Variants in PRDM2 observed in about 807,000 individuals in gnomAD.
PRDM2 encodes the protein PR/SET domain 2.
A neutral mutation model predicts 130.0 loss-of-function variants in PRDM2; 30 were observed. The observed-to-expected ratio is 0.23, with a 90% CI of 0.17 to 0.31. PRDM2 has a LOEUF of 0.31. Among genes scored for constraint, PRDM2 ranks in the 10% least tolerant of loss-of-function variants. The pLI is 1.00. For synonymous variants in PRDM2, 871 were observed against 782.4 expected, an observed-to-expected ratio of 1.11 and a Z score of -1.89; for missense variants, 2,011 against 2,108.4, an observed-to-expected ratio of 0.95 and a Z score of 0.90.
rs1270409440 is a variant in PRDM2 at position 13,742,017 on chromosome 1, A to G, written c.244A>G (p.Asn82Asp). ...CTCCATTTTCAAGGTGTATTACCCA[A>G]ATTTGGGATGGATGTGCATTGATGC... ...NVYMWEVYYP[N>D]LGWMCIDATD... The change falls in exon 5 of 10, where the codon AAT becomes GAT. Residue 82 changes from asparagine (N) to aspartate (D), a missense_variant. Asn to Asp is a conservative substitution (Grantham distance 23, BLOSUM62 1). Transcript: ENST00000311066. 1.9e-6 allele frequency: 3 copies of G among 1,570,970 alleles called. No homozygotes were observed. The highest frequency in any genetic ancestry group is 2.6e-6 in the Non-Finnish European group (3 of 1,141,498).
chr1:13,821,621 A>ATGTATTTT (rs367745659), intron 9 of PRDM2, among the ~76,000 whole-genome samples: 1 of 151,614 alleles, frequency 6.6e-6, no homozygotes, highest in African/African-American at 2.4e-5. Context: ...ACCATCACTA[A>ATGTATTTT]TGTATTTTTG....
intron 8 of PRDM2, among the ~76,000 whole-genome samples, chr1:13,813,496 G>A (rs1460075862): frequency 2.0e-5 from 3 of 152,176 alleles, no homozygotes; most frequent in Non-Finnish European, 4.4e-5. Context: ...GTGGCCTAAG[G>A]AGCTGAAAGC....
At chr1:13,815,179 T>C (rs1231020898) in intron 8 of PRDM2, among the ~76,000 whole-genome samples, 1 of 152,182 alleles carries the variant, frequency 6.6e-6, no homozygotes, top group Non-Finnish European at 1.5e-5. Flanking sequence ...CAATCTCGGC[T>C]CACTGCAACC....
At chr1:13,819,391 C>G (rs1327187996) in intron 9 of PRDM2, among the ~76,000 whole-genome samples, 2 of 152,182 alleles carry the variant, frequency 1.3e-5, no homozygotes, top group Non-Finnish European at 2.9e-5. Flanking sequence ...GAAGAGAGGC[C>G]TAACGTCATT....
chr1:13,733,472 C>T (rs1557606694), intron 4 of PRDM2, among the ~76,000 whole-genome samples: 1 of 152,192 alleles, frequency 6.6e-6, no homozygotes, highest in East Asian at 1.9e-4. Flanking sequence ...CCCTGGGGGG[C>T]TCCACCCGGG....
At chr1:13,758,700 T>C (rs1644022820) in intron 6 of PRDM2, among the ~76,000 whole-genome samples, 1 of 152,230 alleles carries the variant, frequency 6.6e-6, no homozygotes, top group Non-Finnish European at 1.5e-5. Context: ...CTCAGTGTTC[T>C]GGAGCATTTA....
At chr1:13,702,844 A>T (rs1251188356) in intron 1 of PRDM2, among the ~76,000 whole-genome samples, 1 of 152,206 alleles carries the variant, frequency 6.6e-6, no homozygotes, top group Non-Finnish European at 1.5e-5. Context: ...CTTCTACTAG[A>T]AAACTCCATA....
Position 13,787,862 on chromosome 1 carries a change from G to A in PRDM2, c.5036+5031G>A, listed in dbSNP as rs1180805374. On this transcript the variant is annotated intron_variant, in intron 8 of 9. Coordinates refer to ENST00000311066, the MANE Select transcript of PRDM2 (RefSeq NM_001393986.1). ...GACATACAAAAAGGGGTTGTCCATTGATTTTAACCAATGTAGCACTGAGAG... is the reference window on the plus strand; with the variant it reads ...GACATACAAAAAGGGGTTGTCCATTAATTTTAACCAATGTAGCACTGAGAG... 4.1e-6 allele frequency: 4 copies of A among 983,936 alleles called. No individual in the cohort carries two copies. In the East Asian group the frequency reaches 4.5e-4, roughly 111 times the overall value. The allele number at this position is 983,936 out of a possible 1,614,324, so 61.0% of individuals were successfully genotyped here.
chr1:13,811,175 C>T (rs1389292087), intron 8 of PRDM2, among the ~76,000 whole-genome samples: 1 of 151,994 alleles, frequency 6.6e-6, no homozygotes, highest in Non-Finnish European at 1.5e-5. Context: ...CAGAGTGAGA[C>T]TCTGTCTCAA....
At position 13,780,670 on chromosome 1, in the gene PRDM2, G is replaced by A. The variant is rs141457950; in HGVS notation, c.2875G>A (p.Gly959Ser). 1.2e-4 allele frequency: 198 copies of A among 1,610,822 alleles called. No homozygotes were observed. In the East Asian group the frequency reaches 1.4e-3, roughly 11 times the overall value. Residue 959 changes from glycine (G) to serine (S), a missense_variant, in exon 8 of 10, where the codon GGT (glycine) becomes AGT (serine). Gly to Ser is a moderately conservative substitution (Grantham distance 56, BLOSUM62 0). This residue lies in a region of PRDM2 where 1,288 missense variants were observed against 1,237.7 expected (regional missense o/e 1.04). Coordinates refer to ENST00000311066, the MANE Select transcript of PRDM2 (RefSeq NM_001393986.1). Reference protein sequence around the residue: ...PALQTPSLSSGQLPPLLIPTD... With the variant: ...PALQTPSLSSSQLPPLLIPTD... ...CCTGCAGACACCCTCCCTTTCATCC[G>A]GTCAGCTGCCTCCTCTCTTGATCCC...
chr1:13,726,222 T>C (rs1265944082), intron 2 of PRDM2, among the ~76,000 whole-genome samples: 2 of 152,210 alleles, frequency 1.3e-5, no homozygotes, highest in African/African-American at 4.8e-5. Context: ...AGGTAATGCA[T>C]GTAAAGTGCT....
At position 13,778,595 on chromosome 1, in the gene PRDM2, G is replaced by A. The variant is rs777514706; in HGVS notation, c.800G>A (p.Gly267Glu). The A allele has an allele frequency of 3.1e-6, 5 of 1,613,866 alleles. No homozygotes were observed. The highest frequency in any genetic ancestry group is 3.4e-6 in the Non-Finnish European group (4 of 1,179,992). Residue 267 changes from glycine (G) to glutamate (E), a missense_variant, in exon 8 of 10, where the codon GGG (glycine) becomes GAG (glutamate). This residue lies in a region of PRDM2 where 1,288 missense variants were observed against 1,237.7 expected (regional missense o/e 1.04). Coordinates refer to ENST00000311066, the MANE Select transcript of PRDM2 (RefSeq NM_001393986.1). Reference protein sequence around the residue: ...EAAACEVNDLGEEEEEEEEED... With the variant: ...EAAACEVNDLEEEEEEEEEED... The stretch of plus-strand genomic sequence containing the variant: ...GCAGCTTGTGAGGTGAATGATTTGG[G>A]GGAAGAGGAGGAGGAGGAAGAGGAG...
chr1:13,762,352 A>T (rs543006106), intron 6 of PRDM2, among the ~76,000 whole-genome samples: 2 of 152,202 alleles, frequency 1.3e-5, no homozygotes, highest in African/African-American at 4.8e-5. Context: ...AGGACCTACT[A>T]TTGTGAGTGC....
chr1:13,726,225 A>G (rs1642911327), intron 2 of PRDM2, among the ~76,000 whole-genome samples: 1 of 152,252 alleles, frequency 6.6e-6, no homozygotes, highest in Admixed American at 6.5e-5. Context: ...TAATGCATGT[A>G]AAGTGCTTAG....
chr1:13,749,336 G>T, intron 5 of PRDM2, 25 bp from the exon 6 acceptor site: 3 of 1,463,846 alleles, frequency 2.0e-6, no homozygotes, highest in Non-Finnish European at 2.7e-6. Flanking sequence ...GATTGGCCCG[G>T]CGCTTGTCTC....
chr1:13,793,868 A>G (rs928580979), intron 8 of PRDM2, among the ~76,000 whole-genome samples: 4 of 152,194 alleles, frequency 2.6e-5, no homozygotes, highest in African/African-American at 4.8e-5. Context: ...AAGAAAGTCT[A>G]TGAATTTGTG....
intron 2 of PRDM2, among the ~76,000 whole-genome samples, chr1:13,721,066 C>G (rs1164431321): frequency 6.6e-6 from 1 of 152,204 alleles, no homozygotes; most frequent in African/African-American, 2.4e-5. Context: ...TGTTCCTACA[C>G]ATTGGTTTTT....
intron 1 of PRDM2, among the ~76,000 whole-genome samples, chr1:13,710,257 G>A (rs1642328301): frequency 6.6e-6 from 1 of 152,212 alleles, no homozygotes; most frequent in Non-Finnish European, 1.5e-5. Flanking sequence ...ATGACCCAGG[G>A]AAAGGGCTGT....
At chr1:13,796,038 G>A (rs1189739339) in intron 8 of PRDM2, among the ~76,000 whole-genome samples, 2 of 152,198 alleles carry the variant, frequency 1.3e-5, no homozygotes, top group Non-Finnish European at 2.9e-5. Context: ...TTTGCTGCCT[G>A]TGATGTCATT....
Sources: allele counts gnomAD v4.1 joint callset (sites outside exome capture counted in the v4.1 genomes callset), GRCh38; gene constraint gnomAD v4.1.1; regional missense constraint gnomAD v4.1.1; transcripts MANE v1.5; gene names NCBI Gene and HGNC (gene_info 2026-07-23, HGNC 2026-07-21).